Variants in SLCO3A1 observed in about 807,000 individuals in gnomAD.
SLCO3A1 encodes the protein PGE1 transporter.
Under a neutral mutation model 63.1 loss-of-function variants are expected in SLCO3A1, and 27 were observed. The observed-to-expected ratio is 0.43, with a 90% CI of 0.32 to 0.59. The LOEUF (loss-of-function observed/expected upper bound fraction) is 0.59, where lower values mean the gene tolerates loss of function less well. Ranked by LOEUF, SLCO3A1 falls within the 20% of genes least tolerant of loss-of-function variation. SLCO3A1 has a pLI of 0.09. For missense variants in SLCO3A1, 773 were observed against 945.8 expected, an observed-to-expected ratio of 0.82 and a Z score of 2.40; for synonymous variants, 473 against 409.9, an observed-to-expected ratio of 1.15 and a Z score of -1.86.
intron 2 of SLCO3A1, among the ~76,000 whole-genome samples, chr15:92,016,928 A>G (rs1186404326): frequency 6.6e-6 from 1 of 152,150 alleles, no homozygotes; most frequent in Non-Finnish European, 1.5e-5. Flanking sequence ...CACATTTGAA[A>G]ATTTTCTCTG....
intron 2 of SLCO3A1, among the ~76,000 whole-genome samples, chr15:91,975,478 G>A (rs1244956892): frequency 6.6e-6 from 1 of 152,228 alleles, no homozygotes; most frequent in East Asian, 1.9e-4. Flanking sequence ...GCCACAGACT[G>A]AGTCAGCTGT....
chr15:92,127,808 C>A (rs2047943357), intron 6 of SLCO3A1, among the ~76,000 whole-genome samples: 1 of 152,136 alleles, frequency 6.6e-6, no homozygotes, highest in African/African-American at 2.4e-5. Flanking sequence ...CTGGTTGAAG[C>A]AGTGTAGTAA....
chr15:92,137,308 AT>A (rs943972873), intron 7 of SLCO3A1, among the ~76,000 whole-genome samples: 4 of 101,014 alleles, frequency 4.0e-5, no homozygotes, highest in Non-Finnish European at 7.4e-5. Flanking sequence ...TGAACTCATC[AT>A]TTTTTATGGC....
chr15:92,040,917 T>C (rs1472629886), intron 2 of SLCO3A1, among the ~76,000 whole-genome samples: 1 of 152,182 alleles, frequency 6.6e-6, no homozygotes, highest in Non-Finnish European at 1.5e-5. Context: ...ATCAGCATTT[T>C]GATGATACTA....
At chr15:91,931,553 C>T (rs1381461731) in intron 2 of SLCO3A1, among the ~76,000 whole-genome samples, 1 of 151,898 alleles carries the variant, frequency 6.6e-6, no homozygotes, top group East Asian at 1.9e-4. Flanking sequence ...TCACTGCAAC[C>T]TCTGCCTCCC....
At chr15:92,171,827 C>T (rs1386835680) in exon 11 of SLCO3A1, 6 of 1,551,662 alleles carry the variant, frequency 3.9e-6, no homozygotes, top group South Asian at 1.2e-5. Context: ...CCCCGAATCA[C>T]ATTCACCTTC....
chr15:92,162,698 G>T (rs973787220), intron 9 of SLCO3A1, 58 bp from the exon 10 acceptor site: 1 of 1,550,726 alleles, frequency 6.4e-7, no homozygotes, highest in South Asian at 1.3e-5. Context: ...GCAGAGACAG[G>T]AACAGGGGAG....
At chr15:92,051,916 G>A (rs1011630212) in intron 2 of SLCO3A1, among the ~76,000 whole-genome samples, 3 of 152,142 alleles carry the variant, frequency 2.0e-5, no homozygotes, top group Admixed American at 2.0e-4. Context: ...ACACCCAGAT[G>A]TCAGTACTAT....
At chr15:91,915,519 A>G (rs1898624518) in intron 1 of SLCO3A1, among the ~76,000 whole-genome samples, 1 of 152,022 alleles carries the variant, frequency 6.6e-6, no homozygotes, top group South Asian at 2.1e-4. Context: ...GTTTGTTTTT[A>G]TTTTGAGGTG....
Position 92,024,519 on chromosome 15 carries a change from C to T in SLCO3A1, c.647-70362C>T, listed in dbSNP as rs76675370. 7.7e-3 allele frequency among the ~76,000 whole-genome samples: 1,171 copies of T among 152,304 alleles called. 7 individuals carry two copies. The highest frequency in any genetic ancestry group is 0.015 in the South Asian group (71 of 4,816). ...ACCATGTATTGACGTGTTTGTGTGA[C>T]GTTCGTGTGTATGTATTCATCCACC... On this transcript the variant is annotated intron_variant, in intron 2 of 9. Transcript: ENST00000318445.
intron 1 of SLCO3A1, among the ~76,000 whole-genome samples, chr15:91,911,945 A>G (rs561000285): frequency 6.6e-6 from 1 of 151,550 alleles, no homozygotes; most frequent in African/African-American, 2.4e-5. Context: ...TATTTTTAAC[A>G]ATTGCCCCAG....
chr15:91,870,632 C>G (rs1253621711), intron 1 of SLCO3A1, among the ~76,000 whole-genome samples: 1 of 152,210 alleles, frequency 6.6e-6, no homozygotes, highest in Admixed American at 6.5e-5. Context: ...AGTGAATTCT[C>G]TGCTGTAAGG....
At chr15:92,007,079 G>A (rs1275119589) in intron 2 of SLCO3A1, among the ~76,000 whole-genome samples, 1 of 152,194 alleles carries the variant, frequency 6.6e-6, no homozygotes, top group Non-Finnish European at 1.5e-5. Context: ...AACGAACTAA[G>A]CAACATTTCC....
At chr15:91,893,139 A>G (rs1897914554) in intron 1 of SLCO3A1, among the ~76,000 whole-genome samples, 1 of 152,254 alleles carries the variant, frequency 6.6e-6, no homozygotes, top group African/African-American at 2.4e-5. Flanking sequence ...GGCACTAACT[A>G]GCCACATGTA....
chr15:92,097,692 A>G (rs534971779), intron 3 of SLCO3A1, among the ~76,000 whole-genome samples: 21 of 152,220 alleles, frequency 1.4e-4, no homozygotes, highest in African/African-American at 3.9e-4. Flanking sequence ...TGCAAGGTGC[A>G]TTGTCAGTCA....
chr15:91,866,717 G>A (rs954856977), intron 1 of SLCO3A1, among the ~76,000 whole-genome samples: 22 of 152,084 alleles, frequency 1.4e-4, no homozygotes, highest in Non-Finnish European at 3.1e-4. Context: ...TTTATCGTGG[G>A]GGGGGAGATG....
At chr15:92,009,539 G>C (rs1352983571) in intron 2 of SLCO3A1, among the ~76,000 whole-genome samples, 1 of 152,210 alleles carries the variant, frequency 6.6e-6, no homozygotes, top group African/African-American at 2.4e-5. Context: ...GTGTCAGGAA[G>C]ACAGCAGGCT....
Position 91,860,586 on chromosome 15 carries a change from C to A in SLCO3A1, c.180+6498C>A, listed in dbSNP as rs887953125. On this transcript the variant is annotated intron_variant, in intron 1 of 9. Coordinates refer to ENST00000318445, the MANE Select transcript of SLCO3A1 (RefSeq NM_013272.4). This position sits in a 1 kb window ranked among gnomAD's most constrained non-coding sequence, Gnocchi z 5.5. ...GGCTTCTGTTTCCTAAACTGGTGATCTGGGCTCCTGAAGCTTGCTCTGCTT... is the reference window on the plus strand; with the variant it reads ...GGCTTCTGTTTCCTAAACTGGTGATATGGGCTCCTGAAGCTTGCTCTGCTT... 6.6e-6 allele frequency among the ~76,000 whole-genome samples: 1 copy of A among 152,244 alleles called. No individual in the cohort carries two copies. The highest frequency in any genetic ancestry group is 1.5e-5 in the Non-Finnish European group (1 of 68,038).
intron 2 of SLCO3A1, among the ~76,000 whole-genome samples, chr15:92,062,686 T>C (rs947565074): frequency 6.6e-6 from 1 of 152,166 alleles, no homozygotes; most frequent in African/African-American, 2.4e-5. Flanking sequence ...TCCAGAGCTG[T>C]GGTCCAGAGG....
Sources: gnomAD v4.1 joint callset for allele counts (sites outside exome capture counted in the v4.1 genomes callset) on GRCh38, gnomAD v4.1.1 for gene constraint, Gnocchi (gnomAD v3.1) non-coding constraint, MANE v1.5 for transcripts, NCBI Gene and HGNC (gene_info 2026-07-23, HGNC 2026-07-21) for gene names.